Variants in MTBP observed in about 807,000 individuals in gnomAD.
MTBP encodes MDM2 binding protein, also known as mdm2-binding protein.
MTBP carries 101 observed loss-of-function variants against 117.0 expected under a neutral mutation model. That is an observed-to-expected ratio of 0.86 (90% CI 0.73 to 1.02). The LOEUF (loss-of-function observed/expected upper bound fraction) is 1.02, where lower values mean the gene tolerates loss of function less well. MTBP is among the 50% of genes least tolerant of loss of function. The pLI, the probability that MTBP is intolerant of heterozygous loss-of-function variation, is 0.00. For synonymous variants in MTBP, 350 were observed against 351.5 expected (o/e 1.00, Z 0.05); for missense variants, 970 against 1,030.9 (o/e 0.94, Z 0.81).
At position 120,523,549 on chromosome 8, in the gene MTBP, G is replaced by T. The variant is rs1341755999; in HGVS notation, c.*213G>T. 7.1e-6 allele frequency: 2 copies of T among 279,976 alleles called. No individual in the cohort carries two copies. The highest frequency in any genetic ancestry group is 1.3e-5 in the Non-Finnish European group (2 of 151,438). 17.3% of individuals were successfully genotyped at this position (279,976 alleles called of 1,614,324 possible). On this transcript the variant is annotated 3_prime_UTR_variant, in exon 22 of 22. Transcript: ENST00000305949. ...TTTAATTAGATACATATTTTGTAAA[G>T]TGTTACTATATTTTAAAGTTATTTT... is the stretch of plus-strand genomic sequence containing the variant.
intron 2 of MTBP, among the ~76,000 whole-genome samples, chr8:120,448,832 A>G (rs1253042504): frequency 6.6e-6 from 1 of 152,216 alleles, no homozygotes; most frequent in Non-Finnish European, 1.5e-5. Flanking sequence ...CTGCCATACT[A>G]GGATTATTGA....
intron 16 of MTBP, among the ~76,000 whole-genome samples, chr8:120,507,985 C>A (rs576016438): frequency 6.6e-6 from 1 of 150,760 alleles, no homozygotes; most frequent in South Asian, 2.1e-4. Context: ...ACTCTTTTTA[C>A]AGAATGTCTT....
At chr8:120,473,344 G>A (rs557381470) in intron 11 of MTBP, 1 of 151,854 alleles carries the variant, frequency 6.6e-6, no homozygotes, top group Non-Finnish European at 1.5e-5. Flanking sequence ...AAATGATATG[G>A]TAAATGGTCT....
intron 20 of MTBP, among the ~76,000 whole-genome samples, chr8:120,520,801 GA>G (rs1563808060): frequency 6.6e-6 from 1 of 150,694 alleles, no homozygotes; most frequent in Non-Finnish European, 1.5e-5. Flanking sequence ...AAAGAAAAAA[GA>G]AAAAAGAAAA....
intron 10 of MTBP, among the ~76,000 whole-genome samples, chr8:120,466,011 AT>A (rs1426694464): frequency 1.3e-5 from 2 of 152,160 alleles, no homozygotes; most frequent in Non-Finnish European, 2.9e-5. Flanking sequence ...TTAGATTATC[AT>A]TTTTTCTTCT....
chr8:120,471,016 T>G, intron 11 of MTBP, 79 bp downstream of exon 11: 1 of 966,948 alleles, frequency 1.0e-6, no homozygotes. Flanking sequence ...AAGATAACAT[T>G]TCTATATGAG....
intron 10 of MTBP, among the ~76,000 whole-genome samples, chr8:120,464,070 TCAA>T (rs1055902934): frequency 6.6e-6 from 1 of 152,070 alleles, no homozygotes; most frequent in African/African-American, 2.4e-5. Context: ...ACCTACTTCT[TCAA>T]CATGCGATTT....
At chr8:120,495,453 A>G (rs920404719) in intron 13 of MTBP, among the ~76,000 whole-genome samples, 2 of 151,968 alleles carry the variant, frequency 1.3e-5, no homozygotes, top group African/African-American at 2.4e-5. Flanking sequence ...CATTTATTGA[A>G]CTGTGTAGTT....
At position 120,450,957 on chromosome 8, in the gene MTBP, T is replaced by C. The variant is rs1813325774; in HGVS notation, c.200-46T>C. 3 of 1,383,928 alleles carry C rather than the reference T, an allele frequency of 2.2e-6. No individual in the cohort carries two copies. The South Asian group carries it at 3.7e-5, about 17-fold the overall frequency. 85.7% of individuals were successfully genotyped at this position (1,383,928 alleles called of 1,614,324 possible). The stretch of plus-strand genomic sequence containing the variant: ...CGGTATATATGCTGTGTCATCTGCT[T>C]ATTTATGGTATGCCTTTTTAATAAT... On this transcript the variant is annotated intron_variant, in intron 2 of 21. Coordinates refer to ENST00000305949, the MANE Select transcript of MTBP (RefSeq NM_022045.5).
At chr8:120,459,476 A>C in intron 8 of MTBP, 127 bp downstream of exon 8, 2 of 860,106 alleles carry the variant, frequency 2.3e-6, no homozygotes, top group Non-Finnish European at 3.4e-6. Context: ...AATTTTTAAT[A>C]TAATTAAGTA....
At chr8:120,521,905 C>T (rs1378769555) in intron 20 of MTBP, among the ~76,000 whole-genome samples, 1 of 125,824 alleles carries the variant, frequency 7.9e-6, no homozygotes, top group Non-Finnish European at 1.7e-5. Context: ...TGGATGCTCA[C>T]GGTGGAGGGT....
At chr8:120,486,222 A>G (rs1814210562) in intron 11 of MTBP, among the ~76,000 whole-genome samples, 1 of 152,032 alleles carries the variant, frequency 6.6e-6, no homozygotes, top group South Asian at 2.1e-4. Flanking sequence ...TTATTTGCTT[A>G]TTACCAAGTC....
At chr8:120,493,601 G>A (rs752488178) in intron 13 of MTBP, among the ~76,000 whole-genome samples, 1 of 151,576 alleles carries the variant, frequency 6.6e-6, no homozygotes, top group South Asian at 2.1e-4. Context: ...AGTGATTCTT[G>A]TTCTTCAGCC....
intron 9 of MTBP, among the ~76,000 whole-genome samples, chr8:120,461,857 C>CA (rs1813588255): frequency 6.6e-6 from 1 of 152,136 alleles, no homozygotes; most frequent in South Asian, 2.1e-4. Context: ...TGCAATATAT[C>CA]ATAGCATAGA....
At chr8:120,511,835 G>T (rs753140389) in intron 17 of MTBP, among the ~76,000 whole-genome samples, 1 of 151,776 alleles carries the variant, frequency 6.6e-6, no homozygotes, top group Admixed American at 6.6e-5. Context: ...TTATTTGTTT[G>T]GTTTAGTTTC....
At chr8:120,464,572 G>C (rs992872975) in intron 10 of MTBP, among the ~76,000 whole-genome samples, 1 of 151,820 alleles carries the variant, frequency 6.6e-6, no homozygotes, top group African/African-American at 2.4e-5. Context: ...ATCAAGTCTT[G>C]GTTATAATTC....
intron 11 of MTBP, among the ~76,000 whole-genome samples, chr8:120,487,823 G>C (rs1212973226): frequency 2.0e-5 from 3 of 152,178 alleles, no homozygotes; most frequent in Non-Finnish European, 4.4e-5. Flanking sequence ...GTGTTTGTAG[G>C]AATCAGTTTA....
At chr8:120,480,016 T>C (rs1241799424) in intron 11 of MTBP, among the ~76,000 whole-genome samples, 1 of 151,932 alleles carries the variant, frequency 6.6e-6, no homozygotes, top group Non-Finnish European at 1.5e-5. Context: ...GTAAAAGAAG[T>C]ACACTGAAAA....
At chr8:120,495,104 T>G (rs918981692) in intron 13 of MTBP, among the ~76,000 whole-genome samples, 5 of 152,154 alleles carry the variant, frequency 3.3e-5, no homozygotes, top group Non-Finnish European at 5.9e-5. Flanking sequence ...TATGCCTTTG[T>G]TTGGTTGGTG....
Sources: allele counts gnomAD v4.1 joint callset (sites outside exome capture counted in the v4.1 genomes callset), GRCh38; gene constraint gnomAD v4.1.1; transcripts MANE v1.5; gene names NCBI Gene and HGNC (gene_info 2026-07-23, HGNC 2026-07-21).